ZFYVE26: variants seen among roughly 807,000 people sequenced by gnomAD.
ZFYVE26 encodes zinc finger FYVE domain-containing protein 26.
In ZFYVE26, 181 loss-of-function variants were observed where a neutral mutation model predicts 276.5. The observed-to-expected ratio is 0.65, with a 90% CI of 0.58 to 0.74. The LOEUF is 0.74. ZFYVE26 is among the 30% of genes least tolerant of loss of function. The pLI, the probability that ZFYVE26 is intolerant of heterozygous loss-of-function variation, is 0.00. For synonymous variants in ZFYVE26, 1,129 were observed against 1,203.1 expected, an observed-to-expected ratio of 0.94 and a Z score of 1.27; for missense variants, 2,821 against 3,097.9, an observed-to-expected ratio of 0.91 and a Z score of 2.12.
chr14:67,798,877 G>A (rs2040018554), intron 10 of ZFYVE26: 1 of 874,800 alleles, frequency 1.1e-6, no homozygotes, highest in Non-Finnish European at 1.7e-6. Context: ...GGCCTCCCCA[G>A]CCTTTTGGCC....
rs1445093178 is a variant in ZFYVE26 at position 67,807,705 on chromosome 14, C to A, written c.579G>T (p.Leu193=). Residue 193 remains leucine, a synonymous_variant, in exon 5 of 42, where the codon CTG becomes CTT. Coordinates refer to ENST00000347230, the MANE Select transcript of ZFYVE26 (RefSeq NM_015346.4). ...GCAATGCCTTTCGAATGAGGTCCAC[C>A]AGTGCATTCTGCAGAGGCCAGTGAC... The part of the protein sequence containing the change: ...GLCHWPLQNA[L]VDLIRKALRA... 6.2e-7 allele frequency: 1 copy of A among 1,614,160 alleles called. No individual in the cohort carries two copies. Among genetic ancestry groups the A allele is most frequent in the South Asian group, 1.1e-5 (1 of 91,082 alleles).
intron 13 of ZFYVE26, among the ~76,000 whole-genome samples, chr14:67,739,526 C>CT (rs1303354104): frequency 2.0e-5 from 3 of 150,558 alleles, no homozygotes; most frequent in Non-Finnish European, 4.4e-5. Context: ...TTTTTTTTTA[C>CT]TTTTTTTTCT....
intron 16 of ZFYVE26, among the ~76,000 whole-genome samples, chr14:67,787,928 T>G (rs1293992307): frequency 2.6e-5 from 4 of 152,204 alleles, no homozygotes; most frequent in Non-Finnish European, 5.9e-5. Context: ...ACTTGACTGG[T>G]AAGAAGTTTC....
In ZFYVE26 at chr14:67,751,046, G is replaced by A. The variant is rs371196543; in HGVS notation, c.7416+6C>T. The A allele has an allele frequency of 4.8e-5, 78 of 1,614,008 alleles. 1 individual carries two copies. Among genetic ancestry groups the A allele is most frequent in the African/African-American group, 3.5e-4 (26 of 74,902 alleles). On this transcript the variant is annotated splice_donor_region_variant and intron_variant, in intron 41 of 41. Transcript: ENST00000347230. ...ATCACCAGCGTTTGGAGACAATTCC[G>A]CTCACCTTGTTGTCATCATTGTGTA...
chr14:67,743,137 G>A (rs930017353), downstream of ZFYVE26, among the ~76,000 whole-genome samples: 5 of 151,876 alleles, frequency 3.3e-5, no homozygotes, highest in African/African-American at 4.8e-5. Flanking sequence ...GTGCCTGGCC[G>A]GCACAGAGGT....
At chr14:67,800,777 T>A (rs2040060271) in intron 10 of ZFYVE26, among the ~76,000 whole-genome samples, 1 of 152,132 alleles carries the variant, frequency 6.6e-6, no homozygotes. Context: ...AGCTCTAAGG[T>A]AAAGTCGACA....
Position 67,816,520 on chromosome 14 carries a change from T to G in ZFYVE26, c.-84+14A>C, listed in dbSNP as rs1420878429. 1 of 152,974 alleles carries G rather than the reference T, an allele frequency of 6.5e-6. No homozygotes were observed. Among genetic ancestry groups the G allele is most frequent in the Non-Finnish European group, 1.5e-5 (1 of 68,818 alleles). 9.5% of individuals were successfully genotyped at this position (152,974 alleles called of 1,614,324 possible). A position where few individuals can be genotyped will look rare whatever the true frequency, so the allele number is the denominator to read the frequency against. On this transcript the variant is annotated intron_variant, in intron 1 of 41. Transcript: ENST00000347230. ...GAGAGGGGCCCCTCCCTCTCAGGGG[T>G]GTCTTACACTCACCTGCTCCCGGCG...
At chr14:67,785,627 C>T (rs1205697637) in intron 18 of ZFYVE26, among the ~76,000 whole-genome samples, 1 of 152,134 alleles carries the variant, frequency 6.6e-6, no homozygotes, top group Non-Finnish European at 1.5e-5. Flanking sequence ...ATTTCTTATT[C>T]ATCATGAGAA....
In ZFYVE26 at chr14:67,754,158, G is replaced by A. The variant is rs370837940; in HGVS notation, c.7041C>T (p.Cys2347=). Residue 2347 remains cysteine, a synonymous_variant, in exon 38 of 42, where the codon TGC becomes TGT. Transcript: ENST00000347230. ...TGATTTGAGAGGTCCCAGCACTTTCGCACCGATGCAAGAACCTGGTCACTT... is the reference window on the plus strand; with the variant it reads ...TGATTTGAGAGGTCCCAGCACTTTCACACCGATGCAAGAACCTGGTCACTT... ...QMEVTRFLHR[C]ESAGTSQITT... The A allele has an allele frequency of 5.3e-5, 86 of 1,614,098 alleles. 3 individuals are homozygous for A. Among genetic ancestry groups the A allele is most frequent in the Admixed American group, 2.7e-4 (16 of 60,000 alleles).
chr14:67,813,304 C>T (rs999309157), intron 3 of ZFYVE26, among the ~76,000 whole-genome samples: 5 of 152,112 alleles, frequency 3.3e-5, no homozygotes, highest in Non-Finnish European at 5.9e-5. Context: ...TACGGTGTGT[C>T]CTTGGGCCAG....
Position 67,780,249 on chromosome 14 carries a change from C to G in ZFYVE26, c.4666G>C (p.Glu1556Gln). 1 of 1,613,872 alleles carries G rather than the reference C, an allele frequency of 6.2e-7. No individual in the cohort carries two copies. The highest frequency in any genetic ancestry group is 1.1e-5 in the South Asian group (1 of 91,018). ...ACCCAGGAAAACGGTACCTGTGCTT[C>G]TAGAATCATGTTCATGACAGTTGAT... ...DPSTVMNMIL[E>Q]AQEYELCEEW... The change falls in exon 23 of 42, where the codon GAA becomes CAA. Residue 1556 changes from glutamate to glutamine, a missense_variant. Physicochemically the swap from Glu to Gln is conservative, Grantham distance 29 (BLOSUM62 2). Coordinates refer to ENST00000347230, the MANE Select transcript of ZFYVE26 (RefSeq NM_015346.4).
rs141880939 is a variant in ZFYVE26 at position 67,798,195 on chromosome 14, G to T, written c.2067C>A (p.Leu689=). The change falls in exon 11 of 42, where the codon CTC becomes CTA. Residue 689 remains leucine (L), a synonymous_variant. Coordinates refer to ENST00000347230, the MANE Select transcript of ZFYVE26 (RefSeq NM_015346.4). The part of the protein sequence containing the change: ...LADEFAIGAF[L]RLLQEQLDEI... ...CATCCAGTTGCTCTTGGAGAAGCCT[G>T]AGGAAGGCCCCTATTGCAAATTCAT... The T allele has an allele frequency of 1.2e-5, 19 of 1,614,072 alleles. No homozygotes were observed. The African/African-American group carries it at 2.3e-4, about 19-fold the overall frequency.
chr14:67,811,133 G>A (rs566569629), intron 3 of ZFYVE26, among the ~76,000 whole-genome samples: 4 of 152,290 alleles, frequency 2.6e-5, no homozygotes, highest in Non-Finnish European at 4.4e-5. Flanking sequence ...CTGAGGATTA[G>A]TGCTTCTATT....
At chr14:67,744,937 G>C (rs369485975), downstream of ZFYVE26, among the ~76,000 whole-genome samples, 1 of 152,190 alleles carries the variant, frequency 6.6e-6, no homozygotes. Context: ...CCAGTAATGA[G>C]ATTGCTGGGT....
rs1283956303 is a variant in ZFYVE26, at chr14:67,806,637, C to G, written c.925G>C (p.Ala309Pro). ...DHLDPERAML[A>P]LFSNPNPAEA... is the part of the protein sequence containing the mutation. ...GCTGGGTTGGGATTGGAGAACAGGGCTAGCATTGCCCGCTCAGGATCTAGA... is the reference window on the plus strand; with the variant it reads ...GCTGGGTTGGGATTGGAGAACAGGGGTAGCATTGCCCGCTCAGGATCTAGA... The change falls in exon 6 of 42, where the codon GCC becomes CCC. Residue 309 changes from alanine to proline, a missense_variant. Physicochemically the swap from Ala to Pro is conservative, Grantham distance 27 (BLOSUM62 -1). Coordinates refer to ENST00000347230, the MANE Select transcript of ZFYVE26 (RefSeq NM_015346.4). 2.5e-6 allele frequency: 4 copies of G among 1,614,064 alleles called. No homozygotes were observed. The highest frequency in any genetic ancestry group is 2.5e-6 in the Non-Finnish European group (3 of 1,180,026).
chr14:67,753,918 A>T (rs2038711103), intron 38 of ZFYVE26, 152 bp from the exon 39 acceptor site: 1 of 1,494,470 alleles, frequency 6.7e-7, no homozygotes, highest in South Asian at 1.1e-5. Flanking sequence ...GAATGATCAA[A>T]ATGGACCTGA....
At chr14:67,731,770 A>G (rs2038279715) in intron 13 of ZFYVE26, among the ~76,000 whole-genome samples, 1 of 152,102 alleles carries the variant, frequency 6.6e-6, no homozygotes, top group African/African-American at 2.4e-5. Flanking sequence ...AGGGAGTTTT[A>G]GGGAGAGCCA....
intron 21 of ZFYVE26, among the ~76,000 whole-genome samples, chr14:67,781,825 G>C (rs1175324100): frequency 6.6e-6 from 1 of 152,206 alleles, no homozygotes; most frequent in Non-Finnish European, 1.5e-5. Context: ...GGACAGAAGA[G>C]ATGAAGCTCT....
intron 32 of ZFYVE26, among the ~76,000 whole-genome samples, chr14:67,763,574 A>G (rs895462830): frequency 6.6e-6 from 1 of 152,260 alleles, no homozygotes; most frequent in Non-Finnish European, 1.5e-5. Flanking sequence ...CTAGGTGGGT[A>G]GAAGGCTATA....
Sources: gnomAD v4.1 joint callset for allele counts (sites outside exome capture counted in the v4.1 genomes callset) on GRCh38, gnomAD v4.1.1 for gene constraint, MANE v1.5 for transcripts, NCBI Gene and HGNC (gene_info 2026-07-23, HGNC 2026-07-21) for gene names.